Variants in CNOT9 observed in about 807,000 individuals in gnomAD.
The protein encoded by CNOT9 is RCD1 required for cell differentiation1 homolog.
In CNOT9, 8 loss-of-function variants were observed where a neutral mutation model predicts 37.4. That is an observed-to-expected ratio of 0.21 (90% confidence interval 0.13 to 0.39). CNOT9 has a LOEUF of 0.39. Among genes scored for constraint, CNOT9 ranks in the 10% least tolerant of loss-of-function variants. The pLI, the probability that CNOT9 is intolerant of heterozygous loss-of-function variation, is 1.00. For missense variants in CNOT9, 154 were observed against 365.3 expected, an observed-to-expected ratio of 0.42 and a Z score of 4.71; for synonymous variants, 120 against 137.6, an observed-to-expected ratio of 0.87 and a Z score of 0.90.
Position 218,568,959 on chromosome 2 carries a change from A to C in CNOT9, c.5A>C (p.His2Pro). The part of the protein sequence containing the change: M[H>P]SLATAAPVPT... The stretch of plus-strand genomic sequence containing the variant: ...AGAGCGGCGGCCGCTCACAACATGC[A>C]CAGCCTGGCGACGGCTGCGGTGAGT... The change falls in exon 1 of 8, where the codon CAC becomes CCC. Residue 2 changes from histidine to proline, a missense_variant. This residue lies in a region of CNOT9 where 37 missense variants were observed against 39.9 expected (regional missense o/e 0.93). Coordinates refer to ENST00000273064, the MANE Select transcript of CNOT9 (RefSeq NM_005444.3). 1 of 1,610,502 alleles carries C rather than the reference A, an allele frequency of 6.2e-7. No homozygotes were observed. The highest frequency in any genetic ancestry group is 8.5e-7 in the Non-Finnish European group (1 of 1,178,560).
intron 1 of CNOT9, among the ~76,000 whole-genome samples, chr2:218,571,658 G>A (rs746473862): frequency 5.8e-4 from 87 of 149,470 alleles, no homozygotes; most frequent in Middle Eastern, 6.9e-3. Context: ...AGCAATCTCC[G>A]CCTCCTGGGT....
chr2:218,572,240 G>C (rs1694024673), intron 1 of CNOT9, among the ~76,000 whole-genome samples: 1 of 152,122 alleles, frequency 6.6e-6, no homozygotes, highest in African/African-American at 2.4e-5. Flanking sequence ...AGAATCACTT[G>C]AACCCAGGAT....
rs1428904625 is a variant in CNOT9 at position 218,595,956 on chromosome 2, C to T, written c.*1680C>T. 2 of 152,202 alleles carry T rather than the reference C, an allele frequency of 1.3e-5. No homozygotes were observed. The highest frequency in any genetic ancestry group is 2.9e-5 in the Non-Finnish European group (2 of 68,090). 9.4% of individuals were successfully genotyped at this position (152,202 alleles called of 1,614,324 possible). On this transcript the variant is annotated 3_prime_UTR_variant, in exon 8 of 8. Coordinates refer to ENST00000273064, the MANE Select transcript of CNOT9 (RefSeq NM_005444.3). The stretch of plus-strand genomic sequence containing the variant: ...AAGATGAAGAGGAGAAGCAGGCCAA[C>T]CCTCAATAATTGCAAGCCTGAAGAG...
At chr2:218,580,788 GTA>G in intron 2 of CNOT9, 48 bp downstream of exon 2, 1 of 1,520,706 alleles carries the variant, frequency 6.6e-7, no homozygotes, top group Non-Finnish European at 9.0e-7. Context: ...CATTACACTT[GTA>G]TATTTCTTTA....
rs1348575053 is a variant in CNOT9 at position 218,595,496 on chromosome 2, C to T, written c.*1220C>T. ...CGCTAAAATATTCACTTGTTCATAT[C>T]GTGTCAGAGATTTCCTCTTCTCTGG... On this transcript the variant is annotated 3_prime_UTR_variant, in exon 8 of 8. Coordinates refer to ENST00000273064, the MANE Select transcript of CNOT9 (RefSeq NM_005444.3). 7.9e-6 allele frequency: 1 copy of T among 127,288 alleles called. No homozygotes were observed. The highest frequency in any genetic ancestry group is 1.6e-5 in the Non-Finnish European group (1 of 63,880). The allele number at this position is 127,288 out of a possible 1,614,324, so 7.9% of individuals were successfully genotyped here. A position where few individuals can be genotyped will look rare whatever the true frequency, so the allele number is the denominator to read the frequency against.
At position 218,584,696 on chromosome 2, in the gene CNOT9, C is replaced by G. The variant is rs1467433383; in HGVS notation, c.405C>G (p.Leu135=). The G allele has an allele frequency of 1.9e-6, 3 of 1,612,566 alleles. No individual in the cohort carries two copies. The highest frequency in any genetic ancestry group is 3.3e-4 in the Middle Eastern group (2 of 6,058). ...TVSKTRPFEY[L]RLTSLGVIGA... ...GCAAAACACGTCCCTTTGAGTATCT[C>G]CGGCTCACCAGCCTTGGAGTTATTG... The change falls in exon 4 of 8, where the codon CTC becomes CTG. Residue 135 remains leucine, a synonymous_variant. Transcript: ENST00000273064.
chr2:218,595,692 C>T lies in CNOT9; in HGVS notation c.*1416C>T, dbSNP rs1020836128. On this transcript the variant is annotated 3_prime_UTR_variant, in exon 8 of 8. Coordinates refer to ENST00000273064, the MANE Select transcript of CNOT9 (RefSeq NM_005444.3). ...AGAGGGACCAAGTCTTTTCTGCCCA[C>T]ATCTCACACAATTGAGGTGTCTGAA... The T allele has an allele frequency of 6.6e-6, 1 of 151,186 alleles. No homozygotes were observed. Among genetic ancestry groups the T allele is most frequent in the Non-Finnish European group, 1.5e-5 (1 of 67,856 alleles). The allele number at this position is 151,186 out of a possible 1,614,324, so 9.4% of individuals were successfully genotyped here.
At chr2:218,585,366 C>T (rs487780) in intron 4 of CNOT9, among the ~76,000 whole-genome samples, 150,788 of 152,258 alleles carry the variant, frequency 0.99, 74,683 homozygotes, top group Middle Eastern at 1. Flanking sequence ...TCAGTTCACC[C>T]AGTTAAATTT....
intron 3 of CNOT9, among the ~76,000 whole-genome samples, 164 bp downstream of exon 3, chr2:218,583,250 TC>T (rs1694475965): frequency 2.0e-5 from 1 of 50,004 alleles, no homozygotes; most frequent in African/African-American, 1.2e-4. Flanking sequence ...TCTCTCTCTC[TC>T]TCTCTCTCTC....
At chr2:218,570,546 A>G (rs997080826) in intron 1 of CNOT9, among the ~76,000 whole-genome samples, 2 of 152,124 alleles carry the variant, frequency 1.3e-5, no homozygotes, top group African/African-American at 4.8e-5. Context: ...CTTCTCCCAA[A>G]TTATATATGT....
rs1694338715 is a variant in CNOT9 at position 218,580,491 on chromosome 2, ACT to A, written c.25-67_25-66del. On this transcript the variant is annotated intron_variant, in intron 1 of 7. Transcript: ENST00000273064. ...TCATGAAAAATATATTTCCTCTAAA[ACT>A]CTGTTGCAGGGTAAGACTTGGTTTG... 2.3e-6 allele frequency: 3 copies of A among 1,318,330 alleles called. No homozygotes were observed. In the Admixed American group the frequency reaches 7.5e-5, roughly 33 times the overall value. 81.7% of individuals were successfully genotyped at this position (1,318,330 alleles called of 1,614,324 possible).
intron 5 of CNOT9, among the ~76,000 whole-genome samples, chr2:218,588,981 T>TTA (rs893458215): frequency 1.3e-5 from 2 of 152,118 alleles, no homozygotes; most frequent in African/African-American, 2.4e-5. Flanking sequence ...TTATGCTCTA[T>TTA]TATCTGTCTT....
At chr2:218,587,766 TTTCTC>T in intron 5 of CNOT9, 71 bp downstream of exon 5, 1 of 664,614 alleles carries the variant, frequency 1.5e-6, no homozygotes, top group South Asian at 3.9e-5. Flanking sequence ...CTGGGATCAT[TTTCTC>T]TCTTCAAGCT....
At chr2:218,589,270 ATCT>A (rs1239302443) in intron 5 of CNOT9, 1 of 152,148 alleles carries the variant, frequency 6.6e-6, no homozygotes, top group Non-Finnish European at 1.5e-5. Context: ...GGCCACACTA[ATCT>A]TCTCTGTGTT....
chr2:218,569,069 A>C, intron 1 of CNOT9, 91 bp downstream of exon 1: 1 of 1,441,674 alleles, frequency 6.9e-7, no homozygotes, highest in South Asian at 1.2e-5. Flanking sequence ...TCGGGTCCCT[A>C]GTCTGATTTT....
chr2:218,590,168 A>G (rs1036159449), intron 5 of CNOT9, among the ~76,000 whole-genome samples: 1 of 152,072 alleles, frequency 6.6e-6, no homozygotes, highest in African/African-American at 2.4e-5. Flanking sequence ...CCTGGGTTCA[A>G]GCAATTCTCA....
chr2:218,593,958 T>C (rs767508770), intron 7 of CNOT9, 150 bp from the exon 8 acceptor site: 97 of 984,728 alleles, frequency 9.9e-5, no homozygotes, highest in Non-Finnish European at 1.4e-4. Context: ...CTATGCCTAA[T>C]ATAGCTTTAG....
Position 218,592,494 on chromosome 2 carries a change from C to G in CNOT9, c.639+92C>G. 6.9e-7 allele frequency: 1 copy of G among 1,442,016 alleles called. No homozygotes were observed. Among genetic ancestry groups the G allele is most frequent in the Non-Finnish European group, 9.8e-7 (1 of 1,023,278 alleles). The allele number at this position is 1,442,016 out of a possible 1,614,324, so 89.3% of individuals were successfully genotyped here. A position where few individuals can be genotyped will look rare whatever the true frequency, so the allele number is the denominator to read the frequency against. On this transcript the variant is annotated intron_variant, in intron 6 of 7. Transcript: ENST00000273064. This position sits in a 1 kb window ranked among gnomAD's most constrained non-coding sequence, Gnocchi z 4.1. ...GCATTGAACAACTTCAGTCCTCTGA[C>G]TAGAACTAACAATTTTGGAACCTTT... is the stretch of plus-strand genomic sequence containing the variant.
intron 3 of CNOT9, among the ~76,000 whole-genome samples, chr2:218,584,388 C>A (rs1694520475): frequency 6.6e-6 from 1 of 152,166 alleles, no homozygotes; most frequent in Non-Finnish European, 1.5e-5. Flanking sequence ...TGAGTTGTGA[C>A]AATCAAAGAT....
Sources: allele counts gnomAD v4.1 joint callset (sites outside exome capture counted in the v4.1 genomes callset), GRCh38; gene constraint gnomAD v4.1.1; regional missense constraint gnomAD v4.1.1; non-coding constraint Gnocchi (gnomAD v3.1); transcripts MANE v1.5; gene names NCBI Gene and HGNC (gene_info 2026-07-23, HGNC 2026-07-21).